Variants in CLVS1 observed in about 807,000 individuals in gnomAD.
The protein encoded by CLVS1 is clavesin 1, also known as clavesin-1.
A neutral mutation model predicts 33.1 loss-of-function variants in CLVS1; 10 were observed. The ratio of observed to expected loss-of-function variants is 0.30; its 90% confidence interval spans 0.19 to 0.51. CLVS1 has a LOEUF of 0.51. Among genes scored for constraint, CLVS1 ranks in the 20% least tolerant of loss-of-function variants. CLVS1 has a pLI of 0.97. For missense variants in CLVS1, 343 were observed against 433.4 expected, an observed-to-expected ratio of 0.79 and a Z score of 1.85; for synonymous variants, 163 against 166.1, an observed-to-expected ratio of 0.98 and a Z score of 0.14.
At chr8:61,121,781 T>A (rs530097134) in intron 1 of CLVS1, among the ~76,000 whole-genome samples, 1 of 152,136 alleles carries the variant, frequency 6.6e-6, no homozygotes, top group East Asian at 1.9e-4. Context: ...CAGACATTAA[T>A]GCAGTTGGAT....
intron 2 of CLVS1, among the ~76,000 whole-genome samples, chr8:61,159,901 A>G (rs546127943): frequency 1.3e-5 from 2 of 152,226 alleles, no homozygotes; most frequent in African/African-American, 4.8e-5. Flanking sequence ...CAGAGTGGTT[A>G]GAATCACCTT....
intron 3 of CLVS1, among the ~76,000 whole-genome samples, chr8:61,447,845 C>T (rs999036329): frequency 3.3e-5 from 5 of 152,026 alleles, no homozygotes; most frequent in African/African-American, 9.7e-5. Flanking sequence ...CCTGATGATT[C>T]GAAAATTCTC....
intron 1 of CLVS1, among the ~76,000 whole-genome samples, chr8:61,299,364 G>A (rs1248462945): frequency 6.6e-6 from 1 of 152,100 alleles, no homozygotes; most frequent in Non-Finnish European, 1.5e-5. Flanking sequence ...TCCTCTCACT[G>A]TTTCTTAAGG....
the CLVS1 span, among the ~76,000 whole-genome samples, chr8:61,029,177 G>A: frequency 6.6e-6 from 1 of 152,214 alleles, no homozygotes; most frequent in Admixed American, 6.5e-5. Flanking sequence ...CACACAAGTT[G>A]AGTAACAAGT....
intron 5 of CLVS1, among the ~76,000 whole-genome samples, chr8:61,489,793 A>G (rs891201448): frequency 9.9e-5 from 15 of 152,234 alleles, no homozygotes; most frequent in African/African-American, 3.6e-4. Context: ...AACAAGGGTT[A>G]CTGAGTGCTG....
intron 2 of CLVS1, among the ~76,000 whole-genome samples, chr8:61,351,411 C>A (rs1217155414): frequency 6.6e-6 from 1 of 151,826 alleles, no homozygotes; most frequent in Non-Finnish European, 1.5e-5. Context: ...AGAAAATATA[C>A]TGGAAAAGTA....
At chr8:61,478,278 A>T (rs533824371) in intron 5 of CLVS1, among the ~76,000 whole-genome samples, 2 of 152,284 alleles carry the variant, frequency 1.3e-5, no homozygotes, top group African/African-American at 4.8e-5. Flanking sequence ...TGGTGCTGAG[A>T]AGAATGTATA....
At chr8:60,967,003 A>G in the CLVS1 span, among the ~76,000 whole-genome samples, 4 of 152,224 alleles carry the variant, frequency 2.6e-5, no homozygotes, top group Non-Finnish European at 4.4e-5. Context: ...GTTTTGCACT[A>G]AATTCCTATC....
At chr8:61,091,772 A>G (rs549800932) in intron 1 of CLVS1, among the ~76,000 whole-genome samples, 1 of 152,340 alleles carries the variant, frequency 6.6e-6, no homozygotes, top group Admixed American at 6.5e-5. Context: ...TTTTAGGAAA[A>G]AAACTAACAA....
At chr8:61,392,446 A>G (rs1814340728) in intron 3 of CLVS1, among the ~76,000 whole-genome samples, 2 of 152,322 alleles carry the variant, frequency 1.3e-5, no homozygotes, top group African/African-American at 4.8e-5. Flanking sequence ...CTGATTACAA[A>G]TCAACTATAA....
intron 1 of CLVS1, among the ~76,000 whole-genome samples, chr8:61,086,277 G>T (rs76168142): frequency 2.0e-5 from 3 of 151,922 alleles, no homozygotes; most frequent in Non-Finnish European, 4.4e-5. Flanking sequence ...AGTCAGTGAA[G>T]TCTGACTTGA....
chr8:61,329,793 T>A (rs1312191776), intron 2 of CLVS1, among the ~76,000 whole-genome samples: 1 of 152,220 alleles, frequency 6.6e-6, no homozygotes, highest in Non-Finnish European at 1.5e-5. Flanking sequence ...AGTAAAAACC[T>A]ATGATGACAT....
chr8:61,255,674 A>G (rs1269026655), intron 2 of CLVS1, among the ~76,000 whole-genome samples: 2 of 152,226 alleles, frequency 1.3e-5, no homozygotes, highest in Non-Finnish European at 2.9e-5. Flanking sequence ...TTTTCAAGCA[A>G]CACAATAGAG....
At chr8:61,315,877 CT>C (rs1317235850) in intron 2 of CLVS1, among the ~76,000 whole-genome samples, 3 of 152,168 alleles carry the variant, frequency 2.0e-5, no homozygotes, top group African/African-American at 7.2e-5. Context: ...TATCCCTCCC[CT>C]AGCCCCCAAC....
chr8:61,337,313 G>C (rs916588006), intron 2 of CLVS1, among the ~76,000 whole-genome samples: 1 of 152,156 alleles, frequency 6.6e-6, no homozygotes, highest in African/African-American at 2.4e-5. Context: ...GTAGTTCCAA[G>C]GGCCTTGTTT....
chr8:61,227,904 T>C (rs1200990532), intron 2 of CLVS1, among the ~76,000 whole-genome samples: 1 of 152,142 alleles, frequency 6.6e-6, no homozygotes. Flanking sequence ...CATTGAATAA[T>C]GGAGCAGCAA....
intron 2 of CLVS1, among the ~76,000 whole-genome samples, chr8:61,263,799 G>T (rs1809253598): frequency 6.6e-6 from 1 of 152,106 alleles, no homozygotes; most frequent in Admixed American, 6.5e-5. Context: ...CCTCATTAAG[G>T]GTTATCATTG....
chr8:61,098,705 T>C (rs1805396480), intron 1 of CLVS1, among the ~76,000 whole-genome samples: 1 of 152,008 alleles, frequency 6.6e-6, no homozygotes, highest in Non-Finnish European at 1.5e-5. Context: ...TTCCTTAGGG[T>C]TGTATGAGTC....
chr8:61,143,920 G>T lies in CLVS1; in HGVS notation c.-152+12060G>T, dbSNP rs1041400009. On this transcript the variant is annotated intron_variant, in intron 2 of 2. Transcript: ENST00000522621. The stretch of plus-strand genomic sequence containing the variant: ...ATTAACCACCCAAGCAAATTAAGAT[G>T]GAGAGATGAAACATCTTATTGAAGG... 3.3e-5 allele frequency among the ~76,000 whole-genome samples: 5 copies of T among 149,324 alleles called. No individual in the cohort carries two copies. In the East Asian group the frequency reaches 5.9e-4, roughly 17 times the overall value.
Sources: gnomAD v4.1 joint callset for allele counts (sites outside exome capture counted in the v4.1 genomes callset) on GRCh38, gnomAD v4.1.1 for gene constraint, MANE v1.5 for transcripts, NCBI Gene and HGNC (gene_info 2026-07-23, HGNC 2026-07-21) for gene names.